Variants in PATL2 observed in about 807,000 individuals in gnomAD.
The protein encoded by PATL2 is protein PAT1 homolog 2.
Under a neutral mutation model 77.0 loss-of-function variants are expected in PATL2, and 73 were observed. The observed-to-expected ratio is 0.95, with a 90% CI of 0.78 to 1.15. The LOEUF (loss-of-function observed/expected upper bound fraction) is 1.15. Among genes scored for constraint, PATL2 ranks in the 50% most tolerant of loss-of-function variants. The pLI, the probability that PATL2 is intolerant of heterozygous loss-of-function variation, is 0.00. For missense variants in PATL2, 618 were observed against 655.4 expected, an observed-to-expected ratio of 0.94 and a Z score of 0.62; for synonymous variants, 265 against 257.1, an observed-to-expected ratio of 1.03 and a Z score of -0.29.
At chr15:44,709,850 A>C (rs887754459) in intron 3 of PATL2, among the ~76,000 whole-genome samples, 5 of 152,240 alleles carry the variant, frequency 3.3e-5, no homozygotes, top group Admixed American at 3.3e-4. Flanking sequence ...TAGAGGCAAA[A>C]ATAGCCCTGT....
In PATL2 at chr15:44,711,109, A is replaced by C; in HGVS notation, c.-343T>G. On this transcript the variant is annotated 5_prime_UTR_variant, in exon 1 of 18. Transcript: ENST00000682850. ...TGCTAGGTAGCATTCAAAGATCTTA[A>C]TCTTCTGGGTTTCCGTTTTCTCGAA... 6.3e-6 allele frequency: 2 copies of C among 318,938 alleles called. No homozygotes were observed. The highest frequency in any genetic ancestry group is 1.2e-5 in the Non-Finnish European group (2 of 163,610). 19.8% of individuals were successfully genotyped at this position (318,938 alleles called of 1,614,324 possible).
intron 3 of PATL2, among the ~76,000 whole-genome samples, chr15:44,709,535 A>T (rs2086807883): frequency 6.7e-6 from 1 of 148,884 alleles, no homozygotes; most frequent in East Asian, 1.9e-4. Flanking sequence ...ATTAAAAATT[A>T]AAAAAAAAAG....
intron 3 of PATL2, among the ~76,000 whole-genome samples, chr15:44,707,763 A>G (rs1162702069): frequency 6.6e-6 from 1 of 152,146 alleles, no homozygotes; most frequent in Admixed American, 6.5e-5. Context: ...TGTGCCCCCC[A>G]CATTCACTGG....
At chr15:44,676,885 T>C in intron 3 of PATL2, 8 of 1,075,076 alleles carry the variant, frequency 7.4e-6, no homozygotes, top group Non-Finnish European at 9.1e-6. Flanking sequence ...GTTGCTGTCC[T>C]TTCTGTTTAA....
intron 3 of PATL2, chr15:44,676,964 T>C (rs956927832): frequency 3.0e-6 from 3 of 987,312 alleles, no homozygotes; most frequent in Admixed American, 1.1e-4. Flanking sequence ...GCTCCTCCCC[T>C]GCTCACCCAT....
chr15:44,670,240 C>T (rs2085605165), intron 9 of PATL2, among the ~76,000 whole-genome samples, 153 bp from the exon 10 acceptor site: 1 of 152,194 alleles, frequency 6.6e-6, no homozygotes, highest in Non-Finnish European at 1.5e-5. Context: ...CCCTCTGTCA[C>T]CCAGCTGGAG....
chr15:44,708,960 G>A (rs1203249710), intron 3 of PATL2, among the ~76,000 whole-genome samples: 1 of 152,126 alleles, frequency 6.6e-6, no homozygotes, highest in African/African-American at 2.4e-5. Flanking sequence ...GTGCAGTGGT[G>A]CAATCTCGGC....
At chr15:44,691,716 C>T (rs1053030002) in intron 3 of PATL2, among the ~76,000 whole-genome samples, 6 of 151,302 alleles carry the variant, frequency 4.0e-5, no homozygotes, top group Admixed American at 6.6e-5. Flanking sequence ...AACCTGGGCA[C>T]GGTGGCACAC....
At chr15:44,696,517 A>T (rs1449404964) in intron 3 of PATL2, among the ~76,000 whole-genome samples, 2 of 152,198 alleles carry the variant, frequency 1.3e-5, no homozygotes, top group Non-Finnish European at 2.9e-5. Context: ...TTTTCCCAGT[A>T]AAAACAAATT....
intron 3 of PATL2, among the ~76,000 whole-genome samples, chr15:44,698,674 G>T (rs2086564738): frequency 6.6e-6 from 1 of 152,118 alleles, no homozygotes; most frequent in Non-Finnish European, 1.5e-5. Context: ...TCCAAATCTT[G>T]ACTATTTTGA....
At chr15:44,698,116 A>G (rs1364268997) in intron 3 of PATL2, among the ~76,000 whole-genome samples, 2 of 150,736 alleles carry the variant, frequency 1.3e-5, no homozygotes, top group Non-Finnish European at 3.0e-5. Flanking sequence ...TTTAATTTTC[A>G]TGGGTACATA....
At position 44,666,523 on chromosome 15, in the gene PATL2, C is replaced by G. The variant is rs1444311030; in HGVS notation, c.1482G>C (p.Leu494=). The G allele has an allele frequency of 1.9e-6, 3 of 1,550,574 alleles. No individual in the cohort carries two copies. The South Asian group carries it at 3.6e-5, about 18-fold the overall frequency. The change falls in exon 17 of 18, where the codon CTG becomes CTC. Residue 494 remains leucine, a synonymous_variant. Transcript: ENST00000682850. The part of the protein sequence containing the change: ...DHTAWTDMVV[L]IAWEIAQMPT... ...GCATTTGGGCTATCTCCCAGGCAAT[C>G]AGAACCACCATGTCTGTCCTAGAGA... is the stretch of plus-strand genomic sequence containing the variant.
chr15:44,669,275 C>T lies in PATL2; in HGVS notation c.1064+5G>A. On this transcript the variant is annotated splice_donor_5th_base_variant and intron_variant, in intron 13 of 17. Coordinates refer to ENST00000682850, the MANE Select transcript of PATL2 (RefSeq NM_001387263.1). ...TGGGCTGAGGTGGAACCCTCCCACA[C>T]TCACTCCAGGTTGTTCTGCTCCTGG... The T allele has an allele frequency of 6.5e-7, 1 of 1,546,168 alleles. No homozygotes were observed. The highest frequency in any genetic ancestry group is 8.8e-7 in the Non-Finnish European group (1 of 1,142,428).
intron 3 of PATL2, among the ~76,000 whole-genome samples, chr15:44,690,327 A>G (rs2086361812): frequency 6.6e-6 from 1 of 151,696 alleles, no homozygotes; most frequent in South Asian, 2.1e-4. Context: ...AAAACCACAA[A>G]TAAAGTCAAA....
chr15:44,683,428 G>A (rs568630891), intron 3 of PATL2, among the ~76,000 whole-genome samples: 1 of 152,174 alleles, frequency 6.6e-6, no homozygotes, highest in Non-Finnish European at 1.5e-5. Context: ...CATTACTGAG[G>A]CTTGAGTAGG....
At position 44,698,529 on chromosome 15, in the gene PATL2, C is replaced by T. The variant is rs1024672999; in HGVS notation, c.-76+11567G>A. Reference sequence around the variant, plus strand: ...TGCCTGGCTTACTTAACATAATGACCTCCAGTTCCATCCATATTGCTGCAA... The same window carrying T: ...TGCCTGGCTTACTTAACATAATGACTTCCAGTTCCATCCATATTGCTGCAA... On this transcript the variant is annotated intron_variant, in intron 3 of 17. Coordinates refer to ENST00000682850, the MANE Select transcript of PATL2 (RefSeq NM_001387263.1). Among the ~76,000 whole-genome samples, 15 of 151,930 alleles carry T rather than the reference C, an allele frequency of 9.9e-5. 1 individual carries two copies. The highest frequency in any genetic ancestry group is 7.9e-4 in the Admixed American group (12 of 15,246).
At chr15:44,686,125 G>A (rs564587367) in intron 3 of PATL2, among the ~76,000 whole-genome samples, 29 of 150,374 alleles carry the variant, frequency 1.9e-4, no homozygotes, top group African/African-American at 6.6e-4. Context: ...GCACCACATC[G>A]CACTTGTTCT....
chr15:44,669,459 T>G (rs1264820284), intron 12 of PATL2, 46 bp from the exon 13 acceptor site: 26 of 1,548,620 alleles, frequency 1.7e-5, no homozygotes, highest in Non-Finnish European at 2.3e-5. Flanking sequence ...GGGTAATATC[T>G]CATTCTCAAA....
In PATL2 at chr15:44,669,110, A is replaced by G. The variant is rs766936817; in HGVS notation, c.1094T>C (p.Leu365Pro). The G allele has an allele frequency of 6.5e-7, 1 of 1,546,126 alleles. No individual in the cohort carries two copies. Among genetic ancestry groups the G allele is most frequent in the South Asian group, 1.2e-5 (1 of 83,542 alleles). ...CAGGGCCTTCCCCTTCCTCACAGAG[A>G]GCACCTGCAGGAAGCCATCTGCTGC... ...EEAADGFLQV[L>P]SVRKGKALVA... Residue 365 changes from leucine to proline, a missense_variant, in exon 14 of 18, where the codon CTC becomes CCC. Leu to Pro is a moderately conservative substitution (Grantham distance 98). Transcript: ENST00000682850.
Sources: gnomAD v4.1 joint callset for allele counts (sites outside exome capture counted in the v4.1 genomes callset) on GRCh38, gnomAD v4.1.1 for gene constraint, MANE v1.5 for transcripts, NCBI Gene and HGNC (gene_info 2026-07-23, HGNC 2026-07-21) for gene names.